The following SPANXN4 variants were observed in gnomAD, a reference collection of about 807,000 sequenced individuals.
SPANXN4 encodes sperm protein associated with the nucleus on the X chromosome N4.
SPANXN4 carries 5 observed loss-of-function variants against 6.0 expected under a neutral mutation model. The ratio of observed to expected loss-of-function variants is 0.83; its 90% CI spans 0.44 to 1.75. The LOEUF (loss-of-function observed/expected upper bound fraction) is 1.75. SPANXN4 is among the 40% of genes most tolerant of loss of function. SPANXN4 has a pLI of 0.02. For missense variants in SPANXN4, 157 were observed against 108.6 expected (o/e 1.45, Z -1.98); for synonymous variants, 45 against 38.0 (o/e 1.19, Z -0.68).
At chrX:143,036,507 C>T (rs761258787), downstream of SPANXN4, among the ~76,000 whole-genome samples, 1 of 111,851 alleles carries the variant, frequency 8.9e-6, no homozygotes, top group East Asian at 2.8e-4. Context: ...TCCAGTTGTC[C>T]AAGCACCATT....
Position 143,034,167 on chromosome X carries a change from A to G in SPANXN4, c.218A>G (p.Glu73Gly), listed in dbSNP as rs1197977240. 3 of 1,181,855 alleles carry G rather than the reference A, an allele frequency of 2.5e-6. No homozygotes were observed. In the East Asian group the frequency reaches 9.4e-5, roughly 37 times the overall value. Residue 73 changes from glutamate (E) to glycine (G), a missense_variant, in exon 2 of 3, where the codon GAG becomes GGG. Physicochemically the swap from Glu to Gly is moderately conservative, Grantham distance 98. Transcript: ENST00000370504. ...CAACTGGAGAATAACCAGCCTACAGAGAGCTCCACTGATCCAATCAAAGAG... is the reference window on the plus strand; with the variant it reads ...CAACTGGAGAATAACCAGCCTACAGGGAGCTCCACTGATCCAATCAAAGAG...
rs182511931 is a variant in SPANXN4, at chrX:143,027,583, G to A, written c.78+1491G>A. ...AGACTGGGGAGAAAGGTGTTTAGCT[G>A]AGCAAGATTATAAACAGGTTTTGAG... is the stretch of plus-strand genomic sequence containing the variant. On this transcript the variant is annotated intron_variant, in intron 1 of 2. Coordinates refer to ENST00000370504, the Ensembl canonical transcript of SPANXN4. 4.5e-5 allele frequency among the ~76,000 whole-genome samples: 5 copies of A among 111,609 alleles called. No individual in the cohort carries two copies. The East Asian group carries it at 1.1e-3, about 25-fold the overall frequency.
At chrX:143,034,220 T>A in exon 2 of SPANXN4, 4 of 1,174,779 alleles carry the variant, frequency 3.4e-6, no homozygotes, top group Non-Finnish European at 4.6e-6. Context: ...ATCTGCAGGA[T>A]CTCCACAGGA....
downstream of SPANXN4, among the ~76,000 whole-genome samples, chrX:143,037,558 A>G (rs1932849608): frequency 8.9e-6 from 1 of 111,752 alleles, no homozygotes; most frequent in African/African-American, 3.3e-5. Context: ...TTTATAGTCT[A>G]TCAGTAGAAA....
intron 1 of SPANXN4, among the ~76,000 whole-genome samples, chrX:143,033,527 G>C (rs1441515334): frequency 9.0e-6 from 1 of 111,658 alleles, no homozygotes; most frequent in Non-Finnish European, 1.9e-5. Flanking sequence ...CCACTTACAG[G>C]CTGGGGTACT....
chrX:143,033,909 G>A (rs1333287794), intron 1 of SPANXN4, 116 bp from the exon 2 acceptor site: 1 of 672,984 alleles, frequency 1.5e-6, no homozygotes, highest in Non-Finnish European at 2.2e-6. Context: ...GCTCTTCTCT[G>A]GCACAAGCCC....
chrX:143,030,439 C>A (rs1276855325), intron 1 of SPANXN4, among the ~76,000 whole-genome samples: 3 of 110,222 alleles, frequency 2.7e-5, no homozygotes, highest in African/African-American at 9.9e-5. Flanking sequence ...AGGTCATTGA[C>A]ATATTGGAGG....
downstream of SPANXN4, among the ~76,000 whole-genome samples, chrX:143,037,638 C>T (rs1346181096): frequency 9.0e-6 from 1 of 111,493 alleles, no homozygotes; most frequent in African/African-American, 3.3e-5. Flanking sequence ...TTTGTGTCCC[C>T]ATTCAAATCT....
At chrX:143,026,803 T>C (rs1932781551) in intron 1 of SPANXN4, among the ~76,000 whole-genome samples, 1 of 110,736 alleles carries the variant, frequency 9.0e-6, no homozygotes, top group Non-Finnish European at 1.9e-5. Flanking sequence ...AAGGTGAGTA[T>C]ACATGGGCCA....
intron 1 of SPANXN4, among the ~76,000 whole-genome samples, chrX:143,030,748 G>T (rs1470843385): frequency 9.0e-6 from 1 of 111,495 alleles, no homozygotes; most frequent in African/African-American, 3.3e-5. Context: ...ACCATCACCT[G>T]GTTAACAACT....
rs932736751 is a variant in SPANXN4, at chrX:143,034,208, A to G, written c.259A>G (p.Ile87Val). Reference sequence around the variant, plus strand: ...AATCAAAGAGAAAGGAGACCTAGACATATCTGCAGGATCTCCACAGGATGG... The same window carrying G: ...AATCAAAGAGAAAGGAGACCTAGACGTATCTGCAGGATCTCCACAGGATGG... Residue 87 changes from isoleucine to valine, a missense_variant, in exon 2 of 3, where the codon ATA becomes GTA. By Grantham distance (29) the Ile-to-Val change is conservative (BLOSUM62 3). Coordinates refer to ENST00000370504, the Ensembl canonical transcript of SPANXN4. 2.5e-6 allele frequency: 3 copies of G among 1,178,068 alleles called. No homozygotes were observed. In the East Asian group the frequency reaches 9.4e-5, roughly 37 times the overall value.
At chrX:143,033,192 A>G (rs1024511915) in intron 1 of SPANXN4, among the ~76,000 whole-genome samples, 46 of 111,380 alleles carry the variant, frequency 4.1e-4, no homozygotes, top group Admixed American at 2.5e-3. Context: ...GAAGCAGAGG[A>G]TGGAGAGTTT....
chrX:143,027,878 A>G (rs999218674), intron 1 of SPANXN4, among the ~76,000 whole-genome samples: 1 of 110,890 alleles, frequency 9.0e-6, no homozygotes. Flanking sequence ...TAGGAGTGAA[A>G]TTTTGGAAGG....
In SPANXN4 at chrX:143,034,321, A is replaced by T; in HGVS notation, c.283+89A>T. ...CAGTTTGAGGAGCTGATGACTGTGT[A>T]TACCTCTGCCTTTTTTTCTGATGGT... On this transcript the variant is annotated intron_variant, in intron 2 of 2. Transcript: ENST00000370504. 1 of 1,047,379 alleles carries T rather than the reference A, an allele frequency of 9.5e-7. No homozygotes were observed. The highest frequency in any genetic ancestry group is 1.3e-6 in the Non-Finnish European group (1 of 786,726). The allele number at this position is 1,047,379 out of a possible 1,213,427, so 86.3% of individuals were successfully genotyped here. A position where few individuals can be genotyped will look rare whatever the true frequency, so the allele number is the denominator to read the frequency against.
At chrX:143,032,546 G>T (rs1353523798) in intron 1 of SPANXN4, among the ~76,000 whole-genome samples, 2 of 110,706 alleles carry the variant, frequency 1.8e-5, no homozygotes, top group African/African-American at 6.6e-5. Flanking sequence ...AGGCATTTTT[G>T]CGGGTTTTTC....
chrX:143,035,871 G>T (rs778410620), downstream of SPANXN4, among the ~76,000 whole-genome samples: 7 of 107,728 alleles, frequency 6.5e-5, no homozygotes, highest in Non-Finnish European at 1.3e-4. Context: ...TAGATCACTA[G>T]ACTTGTTCAT....
chrX:143,025,965 T>C, exon 1 of SPANXN4: 2 of 1,150,846 alleles, frequency 1.7e-6, no homozygotes, highest in Non-Finnish European at 2.3e-6. Context: ...GCTGTGGAAA[T>C]CTGCACCCTA....
At chrX:143,026,017 G>A (rs1353812164) in exon 1 of SPANXN4, 2 of 1,207,599 alleles carry the variant, frequency 1.7e-6, no homozygotes, top group Middle Eastern at 2.3e-4. Flanking sequence ...CCATAATCAT[G>A]GAAGAGCCAA....
At chrX:143,031,557 C>T (rs376085110) in intron 1 of SPANXN4, among the ~76,000 whole-genome samples, 125 of 111,770 alleles carry the variant, frequency 1.1e-3, no homozygotes, top group African/African-American at 3.8e-3. Flanking sequence ...GGGATTAGGG[C>T]AGGCTTTTGC....
Sources: allele counts gnomAD v4.1 joint callset (sites outside exome capture counted in the v4.1 genomes callset), GRCh38; gene constraint gnomAD v4.1.1; transcripts MANE v1.5; gene names NCBI Gene and HGNC (gene_info 2026-07-23, HGNC 2026-07-21).